Variants in GRM8 observed in about 807,000 individuals in gnomAD.
GRM8 encodes the protein metabotropic glutamate receptor 8.
Under a neutral mutation model 87.2 loss-of-function variants are expected in GRM8, and 47 were observed. The observed-to-expected ratio is 0.54, with a 90% CI of 0.43 to 0.69. The LOEUF (loss-of-function observed/expected upper bound fraction) is 0.69, where lower values mean the gene tolerates loss of function less well. Ranked by LOEUF, GRM8 falls within the 30% of genes least tolerant of loss-of-function variation. The pLI, the probability that GRM8 is intolerant of heterozygous loss-of-function variation, is 0.00. For synonymous variants in GRM8, 396 were observed against 404.5 expected (o/e 0.98, Z 0.25); for missense variants, 1,019 against 1,139.2 (o/e 0.89, Z 1.52).
At chr7:126,925,309 A>T (rs781105669) in intron 3 of GRM8, among the ~76,000 whole-genome samples, 9 of 152,204 alleles carry the variant, frequency 5.9e-5, no homozygotes, top group Non-Finnish European at 1.3e-4. Context: ...ATTTGTGCTG[A>T]ATGAATTTTT....
chr7:127,065,151 A>G (rs1183059424), intron 3 of GRM8, among the ~76,000 whole-genome samples: 1 of 152,264 alleles, frequency 6.6e-6, no homozygotes, highest in African/African-American at 2.4e-5. Context: ...AATAAAGGAA[A>G]TGTAGTACCA....
chr7:126,778,158 T>C (rs1261988042), intron 6 of GRM8, among the ~76,000 whole-genome samples: 1 of 152,092 alleles, frequency 6.6e-6, no homozygotes, highest in Non-Finnish European at 1.5e-5. Context: ...GCAGAGAAAA[T>C]TAGAAGACAA....
rs571011900 is a variant in GRM8 at position 126,845,017 on chromosome 7, C to T, written c.1156+57525G>A. Among the ~76,000 whole-genome samples, 42 of 152,246 alleles carry T rather than the reference C, an allele frequency of 2.8e-4. No homozygotes were observed. In the South Asian group the frequency reaches 8.1e-3, roughly 29 times the overall value. ...ATCCAGGATTTGCACCCTAATTGCC[C>T]TGACTCCAAGCCCACACCATCTCTA... On this transcript the variant is annotated intron_variant, in intron 6 of 10. Transcript: ENST00000339582.
intron 3 of GRM8, among the ~76,000 whole-genome samples, chr7:126,972,521 AGGTT>A (rs1056817530): frequency 2.5e-4 from 38 of 152,124 alleles, no homozygotes; most frequent in African/African-American, 8.7e-4. Flanking sequence ...CTAAGCAAGC[AGGTT>A]CTTTATTTTT....
chr7:126,490,012 C>G (rs1200918932), intron 9 of GRM8, among the ~76,000 whole-genome samples: 1 of 152,062 alleles, frequency 6.6e-6, no homozygotes, highest in African/African-American at 2.4e-5. Flanking sequence ...AGTTTTCAGG[C>G]CTTCAGCCTC....
At chr7:127,092,733 G>C (rs1824270563) in intron 3 of GRM8, among the ~76,000 whole-genome samples, 1 of 152,136 alleles carries the variant, frequency 6.6e-6, no homozygotes, top group Non-Finnish European at 1.5e-5. Flanking sequence ...AGAAGGAAAA[G>C]AAAATGTTAA....
In GRM8 at chr7:126,604,326, C is replaced by G. The variant is rs141080924; in HGVS notation, c.1494+5036G>C. On this transcript the variant is annotated intron_variant, in intron 8 of 10. Transcript: ENST00000339582. The stretch of plus-strand genomic sequence containing the variant: ...AAATACTTTGGGCTTATTGTGTAGA[C>G]AGACAAGTTATCATGGTGCATATAC... 2.6e-5 allele frequency among the ~76,000 whole-genome samples: 4 copies of G among 152,012 alleles called. 1 individual carries two copies. Among genetic ancestry groups the G allele is most frequent in the Admixed American group, 1.3e-4 (2 of 15,240 alleles).
intron 3 of GRM8, among the ~76,000 whole-genome samples, chr7:127,028,372 CT>C (rs1817015610): frequency 6.6e-6 from 1 of 152,172 alleles, no homozygotes; most frequent in Admixed American, 6.5e-5. Context: ...AGGATTCCCT[CT>C]TTTTCTATTG....
chr7:126,566,062 A>G (rs1013072636), intron 8 of GRM8, among the ~76,000 whole-genome samples: 1 of 152,216 alleles, frequency 6.6e-6, no homozygotes, highest in Non-Finnish European at 1.5e-5. Flanking sequence ...ACTAAATGTA[A>G]GACCTGAAAT....
intron 3 of GRM8, among the ~76,000 whole-genome samples, chr7:127,096,924 G>T (rs1172275961): frequency 6.6e-6 from 1 of 152,172 alleles, no homozygotes; most frequent in South Asian, 2.1e-4. Flanking sequence ...AATGCATAAG[G>T]CATGGTTGGA....
intron 9 of GRM8, 130 bp from the exon 10 acceptor site, chr7:126,446,502 T>G (rs965602775): frequency 3.2e-6 from 2 of 622,106 alleles, no homozygotes; most frequent in African/African-American, 3.7e-5. Flanking sequence ...CTTATTGAAA[T>G]TGTCCTTAAT....
At chr7:127,001,840 A>C (rs1179540740) in intron 3 of GRM8, among the ~76,000 whole-genome samples, 1 of 151,660 alleles carries the variant, frequency 6.6e-6, no homozygotes, top group Non-Finnish European at 1.5e-5. Flanking sequence ...TTTCAATGGA[A>C]TACTACTAGG....
chr7:127,112,428 G>T (rs748887715), intron 2 of GRM8: 2 of 151,996 alleles, frequency 1.3e-5, no homozygotes, highest in African/African-American at 2.4e-5. Context: ...ATTCCACAGG[G>T]TTATTTTCTG....
At chr7:127,092,632 A>G (rs1435229996) in intron 3 of GRM8, among the ~76,000 whole-genome samples, 1 of 152,222 alleles carries the variant, frequency 6.6e-6, no homozygotes, top group Non-Finnish European at 1.5e-5. Context: ...ACTTGAACCC[A>G]GGAAGCGGAT....
chr7:126,948,058 G>A (rs1400151328), intron 3 of GRM8, among the ~76,000 whole-genome samples: 5 of 152,122 alleles, frequency 3.3e-5, no homozygotes, highest in Admixed American at 6.5e-5. Flanking sequence ...AAGATTTGTC[G>A]AACACTTACA....
At chr7:127,119,995 C>T (rs575415502) in intron 2 of GRM8, among the ~76,000 whole-genome samples, 2 of 152,306 alleles carry the variant, frequency 1.3e-5, no homozygotes, top group South Asian at 2.1e-4. Context: ...TATTTGACCT[C>T]TCTCTTAAGT....
intron 2 of GRM8, 87 bp from the exon 3 acceptor site, chr7:127,106,799 AC>A: frequency 2.1e-6 from 2 of 931,482 alleles, no homozygotes; most frequent in Non-Finnish European, 3.5e-6. Context: ...CCAAGGCTAT[AC>A]CAGAAACCTA....
chr7:126,710,630 A>T (rs1324157101), intron 7 of GRM8, among the ~76,000 whole-genome samples: 1 of 152,142 alleles, frequency 6.6e-6, no homozygotes, highest in Non-Finnish European at 1.5e-5. Context: ...CTAATTCTAG[A>T]TCTCTTGCTA....
intron 9 of GRM8, among the ~76,000 whole-genome samples, chr7:126,456,003 T>C (rs60461485): frequency 0.031 from 4,628 of 151,182 alleles, 241 homozygotes; most frequent in African/African-American, 0.11. Context: ...GAAAAAAAAA[T>C]AACAAATCCA....
Sources: gnomAD v4.1 joint callset for allele counts (sites outside exome capture counted in the v4.1 genomes callset) on GRCh38, gnomAD v4.1.1 for gene constraint, MANE v1.5 for transcripts, NCBI Gene and HGNC (gene_info 2026-07-23, HGNC 2026-07-21) for gene names.